Variants in CNTN4 observed in about 807,000 individuals in gnomAD.
The protein encoded by CNTN4 is contactin 4, also known as contactin-4.
CNTN4 carries 77 observed loss-of-function variants against 122.5 expected under a neutral mutation model. That is an observed-to-expected ratio of 0.63 (90% CI 0.52 to 0.76). The LOEUF is 0.76. CNTN4 is among the 30% of genes least tolerant of loss of function. The pLI is 0.00. For synonymous variants in CNTN4, 512 were observed against 447.0 expected (o/e 1.15, Z -1.83); for missense variants, 1,256 against 1,259.1 (o/e 1.00, Z 0.04).
intron 2 of CNTN4, among the ~76,000 whole-genome samples, chr3:2,261,584 C>G (rs1307053293): frequency 1.3e-5 from 2 of 152,148 alleles, no homozygotes; most frequent in African/African-American, 2.4e-5. Context: ...CATTTGCCAT[C>G]TGGGATAGAA....
intron 14 of CNTN4, among the ~76,000 whole-genome samples, chr3:3,025,189 A>G (rs1698625565): frequency 6.6e-6 from 1 of 152,188 alleles, no homozygotes; most frequent in Non-Finnish European, 1.5e-5. Context: ...AAACTGTCTC[A>G]GCTAAGCAAG....
intron 6 of CNTN4, among the ~76,000 whole-genome samples, chr3:2,786,113 C>T (rs1006045283): frequency 6.6e-6 from 1 of 152,020 alleles, no homozygotes; most frequent in Non-Finnish European, 1.5e-5. Flanking sequence ...CCTCCATCCC[C>T]TTTCCAGCCC....
At chr3:2,651,958 TG>T (rs2083382121) in intron 4 of CNTN4, among the ~76,000 whole-genome samples, 1 of 151,844 alleles carries the variant, frequency 6.6e-6, no homozygotes, top group Non-Finnish European at 1.5e-5. Flanking sequence ...CCACCCGCCT[TG>T]GCCTTCCAAA....
At position 3,034,655 on chromosome 3, in the gene CNTN4, G is replaced by T. The variant is rs1281356091; in HGVS notation, c.1807G>T (p.Val603Leu). Residue 603 changes from valine to leucine, a missense_variant, in exon 17 of 25, where the codon GTG becomes TTG. Transcript: ENST00000418658. ...AGGTCCTCCAGGTCCCCCAGAGGCTGTGACAATAGACGAAATCACAGATAC... is the reference window on the plus strand; with the variant it reads ...AGGTCCTCCAGGTCCCCCAGAGGCTTTGACAATAGACGAAATCACAGATAC... Reference protein sequence around the residue: ...VRGPPGPPEAVTIDEITDTTA... With the variant: ...VRGPPGPPEALTIDEITDTTA... 6.2e-7 allele frequency: 1 copy of T among 1,614,046 alleles called. No homozygotes were observed. The highest frequency in any genetic ancestry group is 1.3e-5 in the African/African-American group (1 of 74,924).
intron 3 of CNTN4, among the ~76,000 whole-genome samples, chr3:2,495,783 G>A (rs1436723674): frequency 1.3e-5 from 2 of 152,184 alleles, no homozygotes; most frequent in African/African-American, 2.4e-5. Flanking sequence ...TGGAAAAATT[G>A]TCTTCCATGA....
At chr3:2,941,371 A>G (rs1577346381) in intron 13 of CNTN4, among the ~76,000 whole-genome samples, 1 of 152,126 alleles carries the variant, frequency 6.6e-6, no homozygotes, top group Non-Finnish European at 1.5e-5. Flanking sequence ...GTGTGTCTTC[A>G]GTACAGGATT....
chr3:2,539,718 A>G (rs2077955542), intron 3 of CNTN4, among the ~76,000 whole-genome samples: 2 of 152,158 alleles, frequency 1.3e-5, no homozygotes, highest in Non-Finnish European at 2.9e-5. Context: ...AATTAATGTT[A>G]CAAGTAAACA....
chr3:2,762,807 T>C (rs550515374), intron 6 of CNTN4, among the ~76,000 whole-genome samples: 1 of 152,262 alleles, frequency 6.6e-6, no homozygotes, highest in South Asian at 2.1e-4. Context: ...TATATAAGTC[T>C]TCATTTTTCT....
At position 2,417,675 on chromosome 3, in the gene CNTN4, G is replaced by T. The variant is rs549104405; in HGVS notation, c.-89+78442G>T. ...AAAACTTATGTTTACATAAAGACCTGCACACTGATGTTTCTAGCAGCTTTA... is the reference window on the plus strand; with the variant it reads ...AAAACTTATGTTTACATAAAGACCTTCACACTGATGTTTCTAGCAGCTTTA... On this transcript the variant is annotated intron_variant, in intron 3 of 24. Coordinates refer to ENST00000418658, the MANE Select transcript of CNTN4 (RefSeq NM_175607.3). Among the ~76,000 whole-genome samples the T allele has an allele frequency of 6.3e-4, 96 of 152,278 alleles. No homozygotes were observed. The Middle Eastern group carries it at 0.01, about 16-fold the overall frequency.
intron 2 of CNTN4, among the ~76,000 whole-genome samples, chr3:2,288,916 A>G (rs543920839): frequency 7.9e-5 from 12 of 152,254 alleles, no homozygotes; most frequent in Middle Eastern, 3.4e-3. Flanking sequence ...AATTCCAAGG[A>G]ATAGAGTTAA....
chr3:2,101,448 C>G (rs1031027438), intron 2 of CNTN4, among the ~76,000 whole-genome samples: 1 of 152,150 alleles, frequency 6.6e-6, no homozygotes, highest in Non-Finnish European at 1.5e-5. Context: ...GCTTCAATCT[C>G]TCTTATCTTA....
intron 3 of CNTN4, among the ~76,000 whole-genome samples, chr3:2,555,643 A>AG (rs1559229795): frequency 6.6e-6 from 1 of 152,174 alleles, no homozygotes; most frequent in Non-Finnish European, 1.5e-5. Context: ...GGGAAGAGAG[A>AG]GGGGAACAGC....
At chr3:2,555,194 T>C (rs2078670529) in intron 3 of CNTN4, among the ~76,000 whole-genome samples, 1 of 152,220 alleles carries the variant, frequency 6.6e-6, no homozygotes, top group Non-Finnish European at 1.5e-5. Flanking sequence ...GTCAACTTCG[T>C]GAGTCACTTA....
At chr3:2,940,376 G>T (rs765055512) in intron 13 of CNTN4, among the ~76,000 whole-genome samples, 10 of 152,326 alleles carry the variant, frequency 6.6e-5, no homozygotes, top group African/African-American at 1.4e-4. Flanking sequence ...ATTCACAAGT[G>T]ACCTTGAAAT....
At chr3:2,182,363 T>A (rs1392498492) in intron 2 of CNTN4, among the ~76,000 whole-genome samples, 1 of 152,022 alleles carries the variant, frequency 6.6e-6, no homozygotes, top group East Asian at 1.9e-4. Context: ...ACAACACTAA[T>A]TGAATTGAGA....
At chr3:2,396,376 A>C (rs181911300) in intron 3 of CNTN4, among the ~76,000 whole-genome samples, 3 of 152,272 alleles carry the variant, frequency 2.0e-5, no homozygotes, top group Admixed American at 6.5e-5. Context: ...GATTGGACCT[A>C]TAATGTCTTC....
At chr3:2,827,717 A>G (rs1010856949) in intron 7 of CNTN4, among the ~76,000 whole-genome samples, 3 of 152,134 alleles carry the variant, frequency 2.0e-5, no homozygotes, top group African/African-American at 7.2e-5. Flanking sequence ...CATAAGCCAA[A>G]CCCTGTGTGA....
intron 7 of CNTN4, among the ~76,000 whole-genome samples, chr3:2,830,039 A>T (rs1406980338): frequency 1.3e-5 from 2 of 152,200 alleles, no homozygotes; most frequent in Non-Finnish European, 2.9e-5. Context: ...AAAAATAATA[A>T]TTTGGCTAAA....
chr3:2,734,657 T>TC (rs2088952345), intron 4 of CNTN4, among the ~76,000 whole-genome samples: 1 of 151,874 alleles, frequency 6.6e-6, no homozygotes, highest in South Asian at 2.1e-4. Context: ...GCTTTTTTTT[T>TC]TTTTTTGTCT....
Sources: allele counts gnomAD v4.1 joint callset (sites outside exome capture counted in the v4.1 genomes callset), GRCh38; gene constraint gnomAD v4.1.1; transcripts MANE v1.5; gene names NCBI Gene and HGNC (gene_info 2026-07-23, HGNC 2026-07-21).